ZFYVE9: variants seen among roughly 807,000 people sequenced by gnomAD.
The protein encoded by ZFYVE9 is zinc finger FYVE-type containing 9, also known as zinc finger FYVE domain-containing protein 9.
Under a neutral mutation model 126.7 loss-of-function variants are expected in ZFYVE9, and 43 were observed. The ratio of observed to expected loss-of-function variants is 0.34; its 90% CI spans 0.27 to 0.44. The LOEUF (loss-of-function observed/expected upper bound fraction) is 0.44, where lower values mean the gene tolerates loss of function less well. Among genes scored for constraint, ZFYVE9 ranks in the 20% least tolerant of loss-of-function variants. The pLI is 1.00. For synonymous variants in ZFYVE9, 521 were observed against 597.4 expected (o/e 0.87, Z 1.87); for missense variants, 1,476 against 1,697.0 (o/e 0.87, Z 2.29).
intron 1 of ZFYVE9, among the ~76,000 whole-genome samples, chr1:52,155,622 T>C (rs1644396670): frequency 6.6e-6 from 1 of 152,196 alleles, no homozygotes; most frequent in East Asian, 1.9e-4. Context: ...AACTCTACAC[T>C]GCATCTTTTC....
At chr1:52,336,669 AG>A (rs1646392677) in intron 15 of ZFYVE9, among the ~76,000 whole-genome samples, 1 of 151,890 alleles carries the variant, frequency 6.6e-6, no homozygotes, top group African/African-American at 2.4e-5. Context: ...TAATTAATCT[AG>A]GAGTTAAACA....
chr1:52,160,594 A>G (rs925708129), intron 1 of ZFYVE9: 12 of 720,862 alleles, frequency 1.7e-5, no homozygotes, highest in Middle Eastern at 2.5e-4. Flanking sequence ...ATTCAAAGGA[A>G]TAGTCCATAG....
chr1:52,248,670 A>G (rs886594009), intron 4 of ZFYVE9, among the ~76,000 whole-genome samples: 2 of 152,186 alleles, frequency 1.3e-5, no homozygotes, highest in Non-Finnish European at 2.9e-5. Context: ...TTATCCATCA[A>G]TGGACACTTC....
At chr1:52,331,837 G>A (rs1306588331) in intron 13 of ZFYVE9, among the ~76,000 whole-genome samples, 1 of 148,390 alleles carries the variant, frequency 6.7e-6, no homozygotes, top group East Asian at 2.1e-4. Context: ...GGAGTGCAGT[G>A]GTGCGATCTT....
chr1:52,308,840 G>A (rs1646110781), intron 13 of ZFYVE9, among the ~76,000 whole-genome samples: 1 of 152,202 alleles, frequency 6.6e-6, no homozygotes, highest in Admixed American at 6.5e-5. Flanking sequence ...TGAGTTCCAT[G>A]AGGGACTATG....
intron 1 of ZFYVE9, chr1:52,150,018 A>G (rs1644339323): frequency 6.6e-6 from 1 of 152,184 alleles, no homozygotes; most frequent in African/African-American, 2.4e-5. Context: ...TTTTATTAAA[A>G]TGAAGAAAGA....
intron 5 of ZFYVE9, 149 bp downstream of exon 5, chr1:52,264,021 A>G (rs1645610208): frequency 9.2e-6 from 4 of 436,756 alleles, no homozygotes; most frequent in South Asian, 1.1e-4. Context: ...CTAAATTTCC[A>G]TGTTTTGAAA....
At chr1:52,261,062 A>G (rs1436072420) in intron 4 of ZFYVE9, among the ~76,000 whole-genome samples, 3 of 152,016 alleles carry the variant, frequency 2.0e-5, no homozygotes, top group Non-Finnish European at 4.4e-5. Flanking sequence ...GTTCACAGAA[A>G]ACTCTTACCC....
chr1:52,145,774 A>C (rs1412280572), intron 1 of ZFYVE9, among the ~76,000 whole-genome samples: 1 of 152,232 alleles, frequency 6.6e-6, no homozygotes, highest in East Asian at 1.9e-4. Flanking sequence ...TTTTAGACTA[A>C]GTCTACTTTT....
chr1:52,247,622 G>A (rs1315268590), intron 4 of ZFYVE9, among the ~76,000 whole-genome samples: 2 of 151,928 alleles, frequency 1.3e-5, no homozygotes, highest in Non-Finnish European at 1.5e-5. Context: ...TCAGCCTCCC[G>A]AGTAGTTGGG....
rs572506913 is a variant in ZFYVE9, at chr1:52,212,008, T to C, written c.-142-4361T>C. On this transcript the variant is annotated intron_variant, in intron 1 of 18. Coordinates refer to ENST00000287727, the MANE Select transcript of ZFYVE9 (RefSeq NM_004799.4). ...TTGTTTCTTAATTTTAAATGATGGTTCTTTAACGTTCCTTCATATTACAGT... is the reference window on the plus strand; with the variant it reads ...TTGTTTCTTAATTTTAAATGATGGTCCTTTAACGTTCCTTCATATTACAGT... Among the ~76,000 whole-genome samples the C allele has an allele frequency of 1.8e-4, 27 of 152,366 alleles. No homozygotes were observed. The South Asian group carries it at 5.4e-3, about 30-fold the overall frequency.
intron 10 of ZFYVE9, among the ~76,000 whole-genome samples, chr1:52,284,580 T>C (rs899545506): frequency 1.3e-5 from 2 of 151,976 alleles, no homozygotes; most frequent in Non-Finnish European, 2.9e-5. Context: ...CCACCACGCC[T>C]GGCTAATTTT....
intron 1 of ZFYVE9, among the ~76,000 whole-genome samples, chr1:52,170,043 T>G (rs1644550481): frequency 6.6e-6 from 1 of 152,208 alleles, no homozygotes; most frequent in Non-Finnish European, 1.5e-5. Flanking sequence ...TTTGAAAAAT[T>G]TTATTGCTCT....
At chr1:52,204,062 G>A (rs1644950468) in intron 1 of ZFYVE9, among the ~76,000 whole-genome samples, 1 of 150,466 alleles carries the variant, frequency 6.6e-6, no homozygotes, top group Non-Finnish European at 1.5e-5. Context: ...TAGTTCTGAT[G>A]TTTGCTCTTT....
intron 1 of ZFYVE9, among the ~76,000 whole-genome samples, chr1:52,210,144 A>G (rs928975742): frequency 6.6e-6 from 1 of 152,128 alleles, no homozygotes; most frequent in Non-Finnish European, 1.5e-5. Flanking sequence ...ATTGTACTTA[A>G]GTTTCTGAGT....
intron 2 of ZFYVE9, among the ~76,000 whole-genome samples, chr1:52,222,282 C>T (rs1393930073): frequency 6.6e-6 from 1 of 152,202 alleles, no homozygotes; most frequent in Admixed American, 6.5e-5. Flanking sequence ...TCTGGGGACT[C>T]TGTGAACCCT....
intron 13 of ZFYVE9, among the ~76,000 whole-genome samples, chr1:52,327,656 C>G (rs1382153500): frequency 1.3e-5 from 2 of 150,784 alleles, no homozygotes; most frequent in East Asian, 3.9e-4. Flanking sequence ...ACTACTTTTT[C>G]AGGTGCTTGG....
rs780258834 is a variant in ZFYVE9 at position 52,239,308 on chromosome 1, G to A, written c.1891G>A (p.Val631Ile). 18 of 1,614,182 alleles carry A rather than the reference G, an allele frequency of 1.1e-5. No individual in the cohort carries two copies. The highest frequency in any genetic ancestry group is 2.2e-5 in the East Asian group (1 of 44,888). The change falls in exon 4 of 19, where the codon GTA (valine) becomes ATA (isoleucine). Residue 631 changes from valine to isoleucine, a missense_variant. By Grantham distance (29) the Val-to-Ile change is conservative. Around this residue, in one of 2 missense-constraint regions of ZFYVE9, gnomAD observed 807 missense variants for 794.6 expected, o/e 1.02. Coordinates refer to ENST00000287727, the MANE Select transcript of ZFYVE9 (RefSeq NM_004799.4). ...AKLGENSATN[V>I]CSPSLGNISN... ...ATTAGGGGAAAACTCAGCAACCAAT[G>A]TATGCAGTCCATCTTTGGGAAACAT...
intron 4 of ZFYVE9, among the ~76,000 whole-genome samples, chr1:52,257,735 G>A (rs1645535822): frequency 6.6e-6 from 1 of 152,080 alleles, no homozygotes; most frequent in African/African-American, 2.4e-5. Context: ...ATGTATTTAT[G>A]TATTTATTTA....
Sources: allele counts gnomAD v4.1 joint callset (sites outside exome capture counted in the v4.1 genomes callset), GRCh38; gene constraint gnomAD v4.1.1; regional missense constraint gnomAD v4.1.1; transcripts MANE v1.5; gene names NCBI Gene and HGNC (gene_info 2026-07-23, HGNC 2026-07-21).